The following SLF1 variants were observed in gnomAD, a reference collection of about 807,000 sequenced individuals.
SLF1 encodes the protein SMC5-SMC6 complex localization factor protein 1.
In SLF1, 105 loss-of-function variants were observed where a neutral mutation model predicts 123.0. The observed-to-expected ratio is 0.85, with a 90% CI of 0.73 to 1.00. The LOEUF (loss-of-function observed/expected upper bound fraction) is 1.00. Among genes scored for constraint, SLF1 ranks in the 50% least tolerant of loss-of-function variants. The pLI, the probability that SLF1 is intolerant of heterozygous loss-of-function variation, is 0.00. For missense variants in SLF1, 1,239 were observed against 1,223.0 expected (o/e 1.01, Z -0.20); for synonymous variants, 434 against 406.6 (o/e 1.07, Z -0.81).
At position 94,621,480 on chromosome 5, in the gene SLF1, CT is replaced by C. The variant is rs1386924692; in HGVS notation, c.-1+2717del. 3.3e-5 allele frequency among the ~76,000 whole-genome samples: 5 copies of C among 152,272 alleles called. No individual in the cohort carries two copies. The East Asian group carries it at 9.7e-4, about 29-fold the overall frequency. ...AAAAATTAAATCCTGCTTGTTCAAC[CT>C]TAGACGTATGGTCTTCCTTCTAAGT... On this transcript the variant is annotated intron_variant, in intron 1 of 20. Coordinates refer to ENST00000265140, the MANE Select transcript of SLF1 (RefSeq NM_032290.4).
At chr5:94,668,314 T>G (rs1314373501) in intron 12 of SLF1, among the ~76,000 whole-genome samples, 1 of 151,868 alleles carries the variant, frequency 6.6e-6, no homozygotes, top group East Asian at 1.9e-4. Context: ...CCAATTTTGT[T>G]GTTGTGGTTG....
chr5:94,653,163 C>A, intron 7 of SLF1, 109 bp from the exon 8 acceptor site: 2 of 1,152,550 alleles, frequency 1.7e-6, no homozygotes, highest in East Asian at 6.1e-5. Flanking sequence ...GGCCGTACTT[C>A]TTTATTTTTT....
At chr5:94,635,775 A>T (rs551540696) in intron 4 of SLF1, among the ~76,000 whole-genome samples, 18 of 152,120 alleles carry the variant, frequency 1.2e-4, no homozygotes, top group South Asian at 2.1e-4. Flanking sequence ...AATTGTAGCT[A>T]TGGTTCTTTT....
At chr5:94,621,758 T>TC (rs1285944481) in intron 1 of SLF1, among the ~76,000 whole-genome samples, 3 of 152,156 alleles carry the variant, frequency 2.0e-5, no homozygotes, top group Non-Finnish European at 4.4e-5. Flanking sequence ...TTCTGTTTCT[T>TC]CCTTCTAGCG....
At chr5:94,683,135 T>G (rs1249061539) in intron 15 of SLF1, among the ~76,000 whole-genome samples, 1 of 152,226 alleles carries the variant, frequency 6.6e-6, no homozygotes, top group Admixed American at 6.5e-5. Flanking sequence ...TTTAATAAAT[T>G]TCCTTTGCCT....
chr5:94,650,080 C>T (rs1038601257), intron 6 of SLF1, among the ~76,000 whole-genome samples: 3 of 152,130 alleles, frequency 2.0e-5, no homozygotes, highest in Admixed American at 2.0e-4. Flanking sequence ...CAAGAAAGCA[C>T]ATATGGTATG....
Position 94,695,080 on chromosome 5 carries a change from G to T in SLF1, c.2945G>T (p.Gly982Val). Reference protein sequence around the residue: ...LSSEFILASKGLTHLNELLMA... With the variant: ...LSSEFILASKVLTHLNELLMA... Reference sequence around the variant, plus strand: ...TCAGAGTTCATTTTAGCTTCCAAAGGGTTAACTCATCTAAATGAACTGCTT... The same window carrying T: ...TCAGAGTTCATTTTAGCTTCCAAAGTGTTAACTCATCTAAATGAACTGCTT... The change falls in exon 21 of 21, where the codon GGG (glycine) becomes GTG (valine). Residue 982 changes from glycine (G) to valine (V), a missense_variant. Gly to Val is a moderately radical substitution (Grantham distance 109). Transcript: ENST00000265140. 6.2e-7 allele frequency: 1 copy of T among 1,612,422 alleles called. No homozygotes were observed. Among genetic ancestry groups the T allele is most frequent in the Non-Finnish European group, 8.5e-7 (1 of 1,179,108 alleles).
intron 11 of SLF1, 87 bp from the exon 12 acceptor site, chr5:94,665,774 G>A: frequency 1.7e-6 from 2 of 1,193,090 alleles, no homozygotes; most frequent in African/African-American, 1.5e-5. Flanking sequence ...TTAGGCCAGG[G>A]TTACTGTTTT....
At position 94,691,584 on chromosome 5, in the gene SLF1, G is replaced by C; in HGVS notation, c.2440G>C (p.Ala814Pro). 1 of 1,611,008 alleles carries C rather than the reference G, an allele frequency of 6.2e-7. No homozygotes were observed. The highest frequency in any genetic ancestry group is 8.5e-7 in the Non-Finnish European group (1 of 1,179,204). The change falls in exon 19 of 21, where the codon GCT (alanine) becomes CCT (proline). Residue 814 changes from alanine to proline, a missense_variant. Transcript: ENST00000265140. ...GGCAGGAGAAACAGCCCTGCATAGA[G>C]CTTGCATAAATAACCAAGTGGAGAA... ...NLKGETALHR[A>P]CINNQVEKLI... is the part of the protein sequence containing the mutation.
chr5:94,687,826 G>C (rs891749330), intron 16 of SLF1, among the ~76,000 whole-genome samples: 3 of 151,908 alleles, frequency 2.0e-5, no homozygotes, highest in Admixed American at 6.6e-5. Context: ...TTCCTACATA[G>C]GTTATTATTT....
chr5:94,659,674 A>T (rs1748839843), intron 9 of SLF1, among the ~76,000 whole-genome samples: 1 of 152,124 alleles, frequency 6.6e-6, no homozygotes, highest in Admixed American at 6.6e-5. Context: ...GTTGCTGGGG[A>T]TGTGGACACA....
At chr5:94,653,121 T>G in intron 7 of SLF1, 151 bp from the exon 8 acceptor site, 1 of 642,876 alleles carries the variant, frequency 1.6e-6, no homozygotes, top group Non-Finnish European at 2.4e-6. Context: ...CCTCCCAAAG[T>G]GCAGAGATTA....
intron 11 of SLF1, among the ~76,000 whole-genome samples, chr5:94,664,657 A>T (rs1325020206): frequency 6.8e-6 from 1 of 147,922 alleles, no homozygotes; most frequent in East Asian, 2.1e-4. Context: ...AGCATGTTGC[A>T]TGAATAGTTT....
In SLF1 at chr5:94,643,255, A is replaced by T; in HGVS notation, c.432-18A>T. 6.7e-7 allele frequency: 1 copy of T among 1,494,946 alleles called. No individual in the cohort carries two copies. The allele number at this position is 1,494,946 out of a possible 1,614,324, so 92.6% of individuals were successfully genotyped here. Reference sequence around the variant, plus strand: ...TCAAATTTTCTAATACTTTTATACCATTTACATTTTTATTTAGAGTTTTGG... The same window carrying T: ...TCAAATTTTCTAATACTTTTATACCTTTTACATTTTTATTTAGAGTTTTGG... On this transcript the variant is annotated intron_variant, in intron 4 of 20. Coordinates refer to ENST00000265140, the MANE Select transcript of SLF1 (RefSeq NM_032290.4).
rs1561480621 is a variant in SLF1, at chr5:94,691,641, G to A, written c.2497G>A (p.Asp833Asn). The A allele has an allele frequency of 6.2e-7, 1 of 1,609,888 alleles. No homozygotes were observed. Among genetic ancestry groups the A allele is most frequent in the Non-Finnish European group, 8.5e-7 (1 of 1,178,456 alleles). ...TCTTCTTCTCTCTTTGCCAGGAATA[G>A]ACATCAATGTTAAAGGTAAGTTTTA... ...LILLLSLPGIDINVKDNAGWT... is the reference protein window; with the variant it reads ...LILLLSLPGININVKDNAGWT... The change falls in exon 19 of 21, where the codon GAC becomes AAC. Residue 833 changes from aspartate to asparagine, a missense_variant. Transcript: ENST00000265140.
intron 14 of SLF1, among the ~76,000 whole-genome samples, chr5:94,673,149 T>C (rs1248968321): frequency 1.3e-5 from 2 of 152,002 alleles, no homozygotes; most frequent in East Asian, 3.9e-4. Context: ...GCCATGACTT[T>C]TTTTTTTTTT....
intron 14 of SLF1, among the ~76,000 whole-genome samples, chr5:94,671,217 T>C (rs1046131886): frequency 2.6e-5 from 4 of 151,868 alleles, no homozygotes; most frequent in African/African-American, 9.7e-5. Context: ...TAGTAGCTAG[T>C]GAATTATATG....
In SLF1 at chr5:94,678,880, G is replaced by T. The variant is rs77459003; in HGVS notation, c.1900G>T (p.Gly634Cys). 6.2e-7 allele frequency: 1 copy of T among 1,613,602 alleles called. No individual in the cohort carries two copies. The highest frequency in any genetic ancestry group is 8.5e-7 in the Non-Finnish European group (1 of 1,179,754). ...GAAIDYWIFLGLKMGRNVMRH... is the reference protein window; with the variant it reads ...GAAIDYWIFLCLKMGRNVMRH... ...AGCAATAGATTATTGGATTTTCCTT[G>T]GTCTTAAGATGGGTAGAAATGTGAT... The change falls in exon 15 of 21, where the codon GGT becomes TGT. Residue 634 changes from glycine to cysteine, a missense_variant. By Grantham distance (159) the Gly-to-Cys change is radical (BLOSUM62 -3). Coordinates refer to ENST00000265140, the MANE Select transcript of SLF1 (RefSeq NM_032290.4).
At chr5:94,643,936 A>G (rs1746724270) in intron 5 of SLF1, among the ~76,000 whole-genome samples, 1 of 152,130 alleles carries the variant, frequency 6.6e-6, no homozygotes, top group Non-Finnish European at 1.5e-5. Flanking sequence ...TAGTATGTCC[A>G]AAAACGACCT....
Sources: gnomAD v4.1 joint callset for allele counts (sites outside exome capture counted in the v4.1 genomes callset) on GRCh38, gnomAD v4.1.1 for gene constraint, MANE v1.5 for transcripts, NCBI Gene and HGNC (gene_info 2026-07-23, HGNC 2026-07-21) for gene names.